Variants in SLC30A7 observed in about 807,000 individuals in gnomAD.
SLC30A7 encodes zinc transporter 7.
Under a neutral mutation model 46.0 loss-of-function variants are expected in SLC30A7, and 35 were observed. The observed-to-expected ratio is 0.76, with a 90% confidence interval of 0.58 to 1.01. The LOEUF (loss-of-function observed/expected upper bound fraction) is 1.01. SLC30A7 is among the 50% of genes least tolerant of loss of function. SLC30A7 has a pLI of 0.00. For missense variants in SLC30A7, 464 were observed against 451.1 expected (o/e 1.03, Z -0.26); for synonymous variants, 147 against 157.8 (o/e 0.93, Z 0.51).
chr1:100,967,977 G>A (rs1283536650), intron 10 of SLC30A7, among the ~76,000 whole-genome samples: 1 of 152,122 alleles, frequency 6.6e-6, no homozygotes. Flanking sequence ...ATTCTTAGGA[G>A]ATTCATGTTG....
rs115106321 is a variant in SLC30A7 at position 100,941,610 on chromosome 1, C to A, written c.842+19769C>A. 1,839 of 589,494 alleles carry A rather than the reference C, an allele frequency of 3.1e-3. 34 individuals are homozygous for A. Among genetic ancestry groups the A allele is most frequent in the African/African-American group, 0.031 (1,681 of 54,168 alleles). 36.5% of individuals were successfully genotyped at this position (589,494 alleles called of 1,614,324 possible). A position where few individuals can be genotyped will look rare whatever the true frequency, so the allele number is the denominator to read the frequency against. On this transcript the variant is annotated intron_variant, in intron 8 of 10. Coordinates refer to ENST00000357650, the MANE Select transcript of SLC30A7 (RefSeq NM_133496.5). ...AAATAATCTCTTAGGTGATGTTCTTCAGTATACTCTTTAATGCCAGCAACA... is the reference window on the plus strand; with the variant it reads ...AAATAATCTCTTAGGTGATGTTCTTAAGTATACTCTTTAATGCCAGCAACA...
At chr1:100,923,407 G>T (rs1653082914) in intron 8 of SLC30A7, among the ~76,000 whole-genome samples, 1 of 152,068 alleles carries the variant, frequency 6.6e-6, no homozygotes, top group Non-Finnish European at 1.5e-5. Context: ...AAAAAAATAG[G>T]ATATACATTT....
chr1:100,980,519 G>C lies in SLC30A7; in HGVS notation c.*5662G>C, dbSNP rs1175131047. 2.0e-5 allele frequency: 3 copies of C among 152,010 alleles called. No individual in the cohort carries two copies. The highest frequency in any genetic ancestry group is 4.4e-5 in the Non-Finnish European group (3 of 67,942). The allele number at this position is 152,010 out of a possible 1,614,324, so 9.4% of individuals were successfully genotyped here. A position where few individuals can be genotyped will look rare whatever the true frequency, so the allele number is the denominator to read the frequency against. On this transcript the variant is annotated 3_prime_UTR_variant, in exon 11 of 11. Coordinates refer to ENST00000357650, the MANE Select transcript of SLC30A7 (RefSeq NM_133496.5). ...GATTCACATGCTGAGTAAATGTTTG[G>C]TTAACTAGTGAACATTTTAGATAGT...
chr1:100,993,136 T>A, the SLC30A7 span, among the ~76,000 whole-genome samples: 1 of 152,164 alleles, frequency 6.6e-6, no homozygotes, highest in South Asian at 2.1e-4. Context: ...TTTTCACTGT[T>A]TCCTCTAAGA....
At chr1:100,949,497 G>A (rs1040398054) in intron 8 of SLC30A7, among the ~76,000 whole-genome samples, 3 of 152,184 alleles carry the variant, frequency 2.0e-5, no homozygotes, top group Non-Finnish European at 2.9e-5. Context: ...CAGTCTGTCC[G>A]TTCTCAGTGC....
At chr1:100,927,981 T>C (rs1653413783) in intron 8 of SLC30A7, among the ~76,000 whole-genome samples, 1 of 152,078 alleles carries the variant, frequency 6.6e-6, no homozygotes, top group Non-Finnish European at 1.5e-5. Flanking sequence ...ATCTTAAGGC[T>C]TAAGGTGTGA....
intron 9 of SLC30A7, 23 bp downstream of exon 9, chr1:100,961,941 C>T: frequency 2.8e-6 from 4 of 1,435,488 alleles, no homozygotes; most frequent in Non-Finnish European, 3.9e-6. Context: ...TACTCCAAAC[C>T]ATTGGATTTT....
chr1:100,953,004 G>A (rs1035317300), intron 8 of SLC30A7, among the ~76,000 whole-genome samples: 4 of 152,190 alleles, frequency 2.6e-5, no homozygotes, highest in Admixed American at 1.3e-4. Flanking sequence ...AAGGTGATTG[G>A]ATCATGGGTG....
chr1:100,929,924 G>A (rs1653565020), intron 8 of SLC30A7, among the ~76,000 whole-genome samples: 1 of 151,994 alleles, frequency 6.6e-6, no homozygotes, highest in Non-Finnish European at 1.5e-5. Context: ...GGTGAGTTGG[G>A]ATAGAAGATG....
intron 8 of SLC30A7, among the ~76,000 whole-genome samples, chr1:100,944,194 G>A (rs1397729203): frequency 3.9e-5 from 6 of 152,094 alleles, no homozygotes; most frequent in Non-Finnish European, 8.8e-5. Context: ...GACTACAGGT[G>A]CACACCACCA....
intron 2 of SLC30A7, among the ~76,000 whole-genome samples, chr1:100,898,710 A>C (rs1032942670): frequency 7.2e-5 from 11 of 152,110 alleles, no homozygotes; most frequent in Non-Finnish European, 1.5e-4. Context: ...AGACACCAAA[A>C]TTTTTAGTTC....
intron 8 of SLC30A7, among the ~76,000 whole-genome samples, chr1:100,955,169 C>A (rs1280866649): frequency 6.6e-6 from 1 of 151,810 alleles, no homozygotes; most frequent in Non-Finnish European, 1.5e-5. Context: ...GTAATGCATA[C>A]CCTTTTTTGT....
At chr1:100,983,623 A>G (rs551987071), downstream of SLC30A7, among the ~76,000 whole-genome samples, 184 of 152,374 alleles carry the variant, frequency 1.2e-3, 1 homozygote, top group Non-Finnish European at 1.8e-3. Context: ...TAAAGTGAAT[A>G]GTACTCTTTT....
intron 5 of SLC30A7, among the ~76,000 whole-genome samples, chr1:100,912,958 T>C (rs1041696166): frequency 3.3e-5 from 5 of 152,156 alleles, no homozygotes; most frequent in Non-Finnish European, 5.9e-5. Flanking sequence ...GATTTTTTCA[T>C]ATAGTGCAGT....
chr1:100,992,502 C>T, the SLC30A7 span: 2 of 576,196 alleles, frequency 3.5e-6, no homozygotes, highest in Admixed American at 3.7e-5. Flanking sequence ...TAAAGTTGGA[C>T]AAAAATGACA....
At chr1:100,901,320 C>G (rs1420962436) in intron 2 of SLC30A7, among the ~76,000 whole-genome samples, 1 of 150,244 alleles carries the variant, frequency 6.7e-6, no homozygotes, top group Non-Finnish European at 1.5e-5. Flanking sequence ...TTCTCCCTTC[C>G]TTTGTTTTTG....
At position 100,976,612 on chromosome 1, in the gene SLC30A7, T is replaced by A. The variant is rs1372608579; in HGVS notation, c.*1755T>A. The A allele has an allele frequency of 6.6e-6, 1 of 152,316 alleles. No individual in the cohort carries two copies. The highest frequency in any genetic ancestry group is 2.4e-5 in the African/African-American group (1 of 41,454). The allele number at this position is 152,316 out of a possible 1,614,324, so 9.4% of individuals were successfully genotyped here. ...CCTTTTAACTTAAAAAAATTGTAAA[T>A]GTGGGAGAAAAAACCCTGCAGGATG... is the stretch of plus-strand genomic sequence containing the variant. On this transcript the variant is annotated 3_prime_UTR_variant, in exon 11 of 11. Coordinates refer to ENST00000357650, the MANE Select transcript of SLC30A7 (RefSeq NM_133496.5).
intron 2 of SLC30A7, among the ~76,000 whole-genome samples, chr1:100,905,738 T>C (rs1381813968): frequency 6.6e-6 from 1 of 152,204 alleles, no homozygotes; most frequent in African/African-American, 2.4e-5. Flanking sequence ...AATTATCATT[T>C]CCATTATATT....
At chr1:100,988,154 A>C in the SLC30A7 span, among the ~76,000 whole-genome samples, 6 of 152,112 alleles carry the variant, frequency 3.9e-5, no homozygotes, top group African/African-American at 1.4e-4. Context: ...AGCCTCCTCC[A>C]TTTCTGACAC....
Sources: allele counts gnomAD v4.1 joint callset (sites outside exome capture counted in the v4.1 genomes callset), GRCh38; gene constraint gnomAD v4.1.1; transcripts MANE v1.5; gene names NCBI Gene and HGNC (gene_info 2026-07-23, HGNC 2026-07-21).